Variants in NLRP9 observed in about 807,000 individuals in gnomAD.
NLRP9 encodes NACHT, LRR and PYD domains-containing protein 9.
Under a neutral mutation model 83.1 loss-of-function variants are expected in NLRP9, and 88 were observed. The observed-to-expected ratio is 1.06, with a 90% CI of 0.89 to 1.26. The LOEUF is 1.26. NLRP9 is among the 50% of genes most tolerant of loss of function. The pLI, the probability that NLRP9 is intolerant of heterozygous loss-of-function variation, is 0.00. For synonymous variants in NLRP9, 521 were observed against 447.6 expected (o/e 1.16, Z -2.07); for missense variants, 1,308 against 1,179.3 (o/e 1.11, Z -1.60).
intron 4 of NLRP9, among the ~76,000 whole-genome samples, chr19:55,723,476 C>G (rs966737426): frequency 6.6e-6 from 1 of 152,050 alleles, no homozygotes; most frequent in Non-Finnish European, 1.5e-5. Flanking sequence ...ACTGTAATCC[C>G]AGTACTTTAG....
chr19:55,729,003 C>A (rs1988481816), intron 3 of NLRP9, among the ~76,000 whole-genome samples: 2 of 148,112 alleles, frequency 1.4e-5, no homozygotes, highest in African/African-American at 5.0e-5. Flanking sequence ...CACATCAGCA[C>A]TCTGTTTTAT....
At chr19:55,735,276 G>A (rs943616524) in intron 1 of NLRP9, among the ~76,000 whole-genome samples, 3 of 152,122 alleles carry the variant, frequency 2.0e-5, no homozygotes, top group African/African-American at 7.2e-5. Flanking sequence ...AATTAATATT[G>A]TAAAACTGTC....
intron 4 of NLRP9, 93 bp downstream of exon 4, chr19:55,723,887 T>G (rs1988314085): frequency 2.1e-6 from 2 of 932,100 alleles, no homozygotes; most frequent in South Asian, 3.3e-5. Context: ...TGAAGGCTGA[T>G]GCAATGACCC....
intron 2 of NLRP9, among the ~76,000 whole-genome samples, 193 bp downstream of exon 2, chr19:55,731,806 T>C (rs1482429168): frequency 6.6e-6 from 1 of 152,068 alleles, no homozygotes; most frequent in Non-Finnish European, 1.5e-5. Context: ...TTATTTCTCT[T>C]TATACAATGG....
At chr19:55,717,453 G>A (rs917467937) in intron 4 of NLRP9, among the ~76,000 whole-genome samples, 1 of 152,174 alleles carries the variant, frequency 6.6e-6, no homozygotes, top group Non-Finnish European at 1.5e-5. Flanking sequence ...GGGGTGATTT[G>A]CCCTAATGGA....
chr19:55,722,886 G>T (rs1020333536), intron 4 of NLRP9, among the ~76,000 whole-genome samples: 9 of 152,084 alleles, frequency 5.9e-5, no homozygotes, highest in South Asian at 2.1e-4. Flanking sequence ...TCTCAGCAAA[G>T]TAACACAAGA....
At chr19:55,726,501 G>A (rs1988407992) in intron 3 of NLRP9, among the ~76,000 whole-genome samples, 1 of 152,164 alleles carries the variant, frequency 6.6e-6, no homozygotes, top group African/African-American at 2.4e-5. Flanking sequence ...GACCGCTGGA[G>A]GTATGTGTGT....
At chr19:55,724,206 C>CAACTTAGCAAACAGGCCTT (rs1988330883) in intron 3 of NLRP9, 62 bp from the exon 4 acceptor site, 2 of 1,165,580 alleles carry the variant, frequency 1.7e-6, no homozygotes, top group African/African-American at 3.1e-5. Context: ...AGACAGACAC[C>CAACTTAGCAAACAGGCCTT]TCTTGTACGA....
Position 55,733,452 on chromosome 19 carries a change from T to C in NLRP9, c.379A>G (p.Thr127Ala). The stretch of plus-strand genomic sequence containing the variant: ...AATTCTTTATACTCATTTTTCATGG[T>C]TTCTTTGTAGAAATGCTCAGGGACG... Reference protein sequence around the residue: ...LHVPEHFYKETMKNEYKELND... With the variant: ...LHVPEHFYKEAMKNEYKELND... The change falls in exon 2 of 9, where the codon ACC (threonine) becomes GCC (alanine). Residue 127 changes from threonine (T) to alanine (A), a missense_variant. Transcript: ENST00000332836. 5 of 1,614,026 alleles carry C rather than the reference T, an allele frequency of 3.1e-6. No individual in the cohort carries two copies. Among genetic ancestry groups the C allele is most frequent in the Non-Finnish European group, 4.2e-6 (5 of 1,179,914 alleles).
At chr19:55,728,765 C>T (rs1988474754) in intron 3 of NLRP9, among the ~76,000 whole-genome samples, 1 of 152,152 alleles carries the variant, frequency 6.6e-6, no homozygotes, top group African/African-American at 2.4e-5. Flanking sequence ...GCTTTGGGAG[C>T]ATAGCAAGTC....
chr19:55,732,200 T>C lies in NLRP9; in HGVS notation c.1631A>G (p.Glu544Gly), dbSNP rs1435214941. The change falls in exon 2 of 9, where the codon GAA (glutamate) becomes GGA (glycine). Residue 544 changes from glutamate to glycine, a missense_variant. Physicochemically the swap from Glu to Gly is moderately conservative, Grantham distance 98. Coordinates refer to ENST00000332836, the MANE Select transcript of NLRP9 (RefSeq NM_176820.4). ...EADREAIAFQ[E>G]LFIGLFETQE... ...AGTTTCAAACAAACCAATGAATAGT[T>C]CCTGGAAAGCTATGGCTTCCCTATC... The C allele has an allele frequency of 6.2e-7, 1 of 1,613,556 alleles. No homozygotes were observed. Among genetic ancestry groups the C allele is most frequent in the Non-Finnish European group, 8.5e-7 (1 of 1,179,822 alleles).
intron 1 of NLRP9, chr19:55,737,238 G>C (rs1471143361): frequency 6.6e-6 from 1 of 152,172 alleles, no homozygotes; most frequent in Non-Finnish European, 1.5e-5. Context: ...AACCTTTCCT[G>C]GGTTGTGATA....
intron 3 of NLRP9, 28 bp from the exon 4 acceptor site, chr19:55,724,172 T>A (rs950280503): frequency 5.2e-6 from 8 of 1,526,472 alleles, no homozygotes; most frequent in Middle Eastern, 1.7e-4. Flanking sequence ...AAAAATAGCA[T>A]CATGCAATGA....
rs959330697 is a variant in NLRP9, at chr19:55,711,955, C to A, written c.2688G>T (p.Pro896=). 1 of 1,612,814 alleles carries A rather than the reference C, an allele frequency of 6.2e-7. No individual in the cohort carries two copies. Among genetic ancestry groups the A allele is most frequent in the East Asian group, 2.2e-5 (1 of 44,858 alleles). Residue 896 remains proline (P), a synonymous_variant, in exon 8 of 9, where the codon CCG becomes CCT. Transcript: ENST00000332836. The stretch of plus-strand genomic sequence containing the variant: ...TGTCGTCGCAGCAGGCACGGGTGAT[C>A]GGACACGTTTGCAGCCTGCAAAAGG... ...KLECLGLQTC[P]ITRACCDDIA...
At chr19:55,710,868 C>G (rs1051690743) in intron 8 of NLRP9, among the ~76,000 whole-genome samples, 2 of 152,072 alleles carry the variant, frequency 1.3e-5, no homozygotes, top group African/African-American at 2.4e-5. Flanking sequence ...GGTGGATCAC[C>G]TGAGGTCAGG....
At chr19:55,718,124 G>A (rs567389701) in intron 4 of NLRP9, among the ~76,000 whole-genome samples, 21 of 152,356 alleles carry the variant, frequency 1.4e-4, no homozygotes, top group African/African-American at 4.8e-4. Context: ...TTTGCAGGCA[G>A]TATACTTGGT....
rs987507653 is a variant in NLRP9, at chr19:55,733,043, T to C, written c.788A>G (p.Lys263Arg). 6.8e-6 allele frequency: 11 copies of C among 1,613,532 alleles called. No homozygotes were observed. Among genetic ancestry groups the C allele is most frequent in the Middle Eastern group, 1.6e-4 (1 of 6,082 alleles). ...GAGAGAGGATTCTGGAAGCATCTTTTTTTGCAACAAACTGCTCAGGATAAT... is the reference window on the plus strand; with the variant it reads ...GAGAGAGGATTCTGGAAGCATCTTTCTTTGCAACAAACTGCTCAGGATAAT... ...MPIILSSLLQ[K>R]KMLPESSLLI... Residue 263 changes from lysine (K) to arginine (R), a missense_variant, in exon 2 of 9, where the codon AAA becomes AGA. Physicochemically the swap from Lys to Arg is conservative, Grantham distance 26 (BLOSUM62 2). Transcript: ENST00000332836.
At chr19:55,734,781 C>A (rs1200447165) in intron 1 of NLRP9, among the ~76,000 whole-genome samples, 1 of 151,698 alleles carries the variant, frequency 6.6e-6, no homozygotes, top group African/African-American at 2.4e-5. Context: ...ATTACAGGCA[C>A]CTGCCACCAC....
chr19:55,722,497 A>T (rs1171394095), intron 4 of NLRP9, among the ~76,000 whole-genome samples: 5 of 152,218 alleles, frequency 3.3e-5, no homozygotes, highest in Admixed American at 1.3e-4. Flanking sequence ...GCATAAAATT[A>T]ACCAAGTATA....
Sources: gnomAD v4.1 joint callset for allele counts (sites outside exome capture counted in the v4.1 genomes callset) on GRCh38, gnomAD v4.1.1 for gene constraint, MANE v1.5 for transcripts, NCBI Gene and HGNC (gene_info 2026-07-23, HGNC 2026-07-21) for gene names.